Variants in GRHL2 observed in about 807,000 individuals in gnomAD.
The protein encoded by GRHL2 is grainyhead-like protein 2 homolog.
Under a neutral mutation model 83.8 loss-of-function variants are expected in GRHL2, and 21 were observed. That is an observed-to-expected ratio of 0.25 (90% CI 0.18 to 0.36). The LOEUF (loss-of-function observed/expected upper bound fraction) is 0.36, where lower values mean the gene tolerates loss of function less well. GRHL2 is among the 10% of genes least tolerant of loss of function. GRHL2 has a pLI of 1.00. For synonymous variants in GRHL2, 280 were observed against 278.9 expected (o/e 1.00, Z -0.04); for missense variants, 623 against 781.8 (o/e 0.80, Z 2.42).
At chr8:101,619,747 T>C in intron 9 of GRHL2, 50 bp downstream of exon 9, 1 of 1,377,146 alleles carries the variant, frequency 7.3e-7, no homozygotes, top group Non-Finnish European at 1.0e-6. Flanking sequence ...TATTAGATAT[T>C]ACTTTTAATG....
chr8:101,608,766 CA>C (rs1563605516), intron 8 of GRHL2, among the ~76,000 whole-genome samples: 19 of 142,070 alleles, frequency 1.3e-4, no homozygotes, highest in Admixed American at 1.4e-4. Context: ...CACACACACA[CA>C]CACACACACA....
chr8:101,563,903 A>G (rs1811660321), intron 4 of GRHL2, among the ~76,000 whole-genome samples: 1 of 152,086 alleles, frequency 6.6e-6, no homozygotes, highest in Non-Finnish European at 1.5e-5. Context: ...CCACTGATGT[A>G]TTTTCTCACA....
At chr8:101,584,175 G>T (rs1348221418) in intron 7 of GRHL2, among the ~76,000 whole-genome samples, 3 of 152,096 alleles carry the variant, frequency 2.0e-5, no homozygotes, top group African/African-American at 7.2e-5. Flanking sequence ...GGATTTATTA[G>T]TTACATTATT....
chr8:101,594,016 C>A (rs1385787184), intron 7 of GRHL2, among the ~76,000 whole-genome samples: 1 of 128,870 alleles, frequency 7.8e-6, no homozygotes, highest in East Asian at 2.4e-4. Flanking sequence ...TTGCAGTGAG[C>A]CAAGATTGCA....
chr8:101,497,189 C>A (rs1315440335), intron 1 of GRHL2, among the ~76,000 whole-genome samples: 2 of 152,170 alleles, frequency 1.3e-5, no homozygotes, highest in Non-Finnish European at 2.9e-5. Context: ...TCTGGAGGAT[C>A]CCTGGGGATT....
chr8:101,573,933 T>C, intron 6 of GRHL2, 109 bp downstream of exon 6: 8 of 1,248,216 alleles, frequency 6.4e-6, no homozygotes, highest in Non-Finnish European at 8.0e-6. Context: ...TCAACATAAA[T>C]AATTCTAGAA....
intron 14 of GRHL2, among the ~76,000 whole-genome samples, chr8:101,657,418 A>ATATC (rs1370147099): frequency 6.6e-6 from 1 of 152,210 alleles, no homozygotes; most frequent in African/African-American, 2.4e-5. Context: ...TATTGATGAG[A>ATATC]TATCTCCAAG....
At chr8:101,494,979 ATTGGGCTG>A (rs1191329543) in intron 1 of GRHL2, among the ~76,000 whole-genome samples, 21 of 152,222 alleles carry the variant, frequency 1.4e-4, no homozygotes, top group Non-Finnish European at 2.9e-4. Context: ...TTTCTCTCTC[ATTGGGCTG>A]TTGAAAATGC....
chr8:101,588,606 A>T (rs1349993103), intron 7 of GRHL2, among the ~76,000 whole-genome samples: 1 of 152,174 alleles, frequency 6.6e-6, no homozygotes, highest in Non-Finnish European at 1.5e-5. Flanking sequence ...ATGAACATTT[A>T]TCTTACTGTA....
At position 101,619,542 on chromosome 8, in the gene GRHL2, T is replaced by C; in HGVS notation, c.1102T>C (p.Phe368Leu). 1 of 1,613,814 alleles carries C rather than the reference T, an allele frequency of 6.2e-7. No homozygotes were observed. The highest frequency in any genetic ancestry group is 8.5e-7 in the Non-Finnish European group (1 of 1,179,864). The change falls in exon 9 of 16, where the codon TTC (phenylalanine) becomes CTC (leucine). Residue 368 changes from phenylalanine (F) to leucine (L), a missense_variant. Phe to Leu is a conservative substitution (Grantham distance 22). Around this residue, in one of 8 missense-constraint regions of GRHL2, gnomAD observed 96 missense variants for 144.8 expected, o/e 0.66. Transcript: ENST00000646743. ...TTTTTCTTTCTCTTTCCCTCAGATTTTCATCACCGTGAATTGCTTGAGCAC... is the reference window on the plus strand; with the variant it reads ...TTTTTCTTTCTCTTTCCCTCAGATTCTCATCACCGTGAATTGCTTGAGCAC... ...TWDVNEEAKI[F>L]ITVNCLSTDF... is the part of the protein sequence containing the mutation.
In GRHL2 at chr8:101,515,540, C is replaced by T. The variant is rs113631864; in HGVS notation, c.20+22751C>T. Among the ~76,000 whole-genome samples, 844 of 152,306 alleles carry T rather than the reference C, an allele frequency of 5.5e-3. 5 individuals carry two copies. The highest frequency in any genetic ancestry group is 0.019 in the African/African-American group (800 of 41,564). The stretch of plus-strand genomic sequence containing the variant: ...GTCTGTTGAAAACCAAGACGTGTTG[C>T]ATGCTGGGCACTGCATTTTCATGTT... On this transcript the variant is annotated intron_variant, in intron 1 of 15. Transcript: ENST00000646743.
chr8:101,555,159 GT>G (rs1811464639), intron 3 of GRHL2, among the ~76,000 whole-genome samples: 3 of 152,160 alleles, frequency 2.0e-5, no homozygotes, highest in Admixed American at 2.0e-4. Flanking sequence ...ACAGAAGTTG[GT>G]TAACTTTAAA....
At chr8:101,543,578 TCTCCTTG>T in intron 2 of GRHL2, 142 bp downstream of exon 2, 1 of 771,588 alleles carries the variant, frequency 1.3e-6, no homozygotes, top group Non-Finnish European at 2.2e-6. Flanking sequence ...CTCTTCCTGT[TCTCCTTG>T]CTCCCTGCTT....
the GRHL2 span, among the ~76,000 whole-genome samples, chr8:101,676,508 G>C: frequency 6.6e-6 from 1 of 152,144 alleles, no homozygotes; most frequent in East Asian, 1.9e-4. Context: ...AAACCACAAT[G>C]AGATACCATC....
intron 13 of GRHL2, among the ~76,000 whole-genome samples, chr8:101,645,094 C>A (rs1373371301): frequency 1.3e-5 from 2 of 150,152 alleles, no homozygotes; most frequent in African/African-American, 4.9e-5. Flanking sequence ...ATCCTCTTGC[C>A]TCAGTCTGCC....
chr8:101,548,768 G>A (rs1269769128), intron 2 of GRHL2, among the ~76,000 whole-genome samples: 6 of 152,186 alleles, frequency 3.9e-5, no homozygotes, highest in East Asian at 1.9e-4. Flanking sequence ...GAGCAAACCC[G>A]CAGGTTAATA....
chr8:101,548,864 A>C (rs1385358245), intron 2 of GRHL2, among the ~76,000 whole-genome samples: 1 of 152,248 alleles, frequency 6.6e-6, no homozygotes, highest in Non-Finnish European at 1.5e-5. Flanking sequence ...TGGCAACAAC[A>C]GCATTCACTT....
At chr8:101,520,341 T>A (rs1810657984) in intron 1 of GRHL2, among the ~76,000 whole-genome samples, 1 of 152,124 alleles carries the variant, frequency 6.6e-6, no homozygotes, top group South Asian at 2.1e-4. Context: ...TTTAAGACAG[T>A]TATCTGAATA....
intron 2 of GRHL2, among the ~76,000 whole-genome samples, chr8:101,548,189 C>G (rs755511965): frequency 2.6e-5 from 4 of 152,044 alleles, no homozygotes; most frequent in African/African-American, 7.2e-5. Flanking sequence ...ACACACACAC[C>G]CACCCAAAAA....
Sources: gnomAD v4.1 joint callset for allele counts (sites outside exome capture counted in the v4.1 genomes callset) on GRCh38, gnomAD v4.1.1 for gene constraint, gnomAD v4.1.1 regional missense constraint, MANE v1.5 for transcripts, NCBI Gene and HGNC (gene_info 2026-07-23, HGNC 2026-07-21) for gene names.